The following SH3KBP1 variants were observed in gnomAD, a reference collection of about 807,000 sequenced individuals.
SH3KBP1 encodes SH3 domain-containing kinase-binding protein 1.
Under a neutral mutation model 50.1 loss-of-function variants are expected in SH3KBP1, and 8 were observed. The ratio of observed to expected loss-of-function variants is 0.16; its 90% CI spans 0.09 to 0.29. The LOEUF is 0.29. Ranked by LOEUF, SH3KBP1 falls within the 10% of genes least tolerant of loss-of-function variation. SH3KBP1 has a pLI of 1.00. For missense variants in SH3KBP1, 377 were observed against 535.2 expected (o/e 0.70, Z 2.92); for synonymous variants, 227 against 218.6 (o/e 1.04, Z -0.34).
At chrX:19,575,660 C>T (rs1350600698) in intron 12 of SH3KBP1, among the ~76,000 whole-genome samples, 1 of 111,999 alleles carries the variant, frequency 8.9e-6, no homozygotes, top group Admixed American at 9.5e-5. Context: ...AAAAAAGGTT[C>T]TGATCCTTCC....
At chrX:19,873,287 T>C (rs373868926) in intron 1 of SH3KBP1, among the ~76,000 whole-genome samples, 3 of 71,447 alleles carry the variant, frequency 4.2e-5, no homozygotes, top group Non-Finnish European at 7.8e-5. Flanking sequence ...TATATATATA[T>C]ATGTATATAT....
At chrX:19,555,047 T>C (rs980916768) in intron 13 of SH3KBP1, among the ~76,000 whole-genome samples, 1 of 112,730 alleles carries the variant, frequency 8.9e-6, no homozygotes, top group Non-Finnish European at 1.9e-5. Context: ...CCAGTTTTCA[T>C]GGTGGTTTTG....
chrX:19,679,454 A>C lies in SH3KBP1; in HGVS notation c.726+4369T>G, dbSNP rs756972965. On this transcript the variant is annotated intron_variant, in intron 6 of 17. Coordinates refer to ENST00000397821, the MANE Select transcript of SH3KBP1 (RefSeq NM_031892.3). ...AGATGGCCCAGCTGAGGCCAACTTC[A>C]TCGAGGTCAATCAGCTAGGATGAAG... 3.6e-5 allele frequency among the ~76,000 whole-genome samples: 4 copies of C among 112,302 alleles called. No homozygotes were observed. In the South Asian group the frequency reaches 1.5e-3, roughly 42 times the overall value.
At chrX:19,618,068 T>C (rs910236872) in intron 8 of SH3KBP1, among the ~76,000 whole-genome samples, 1 of 111,239 alleles carries the variant, frequency 9.0e-6, no homozygotes, top group African/African-American at 3.3e-5. Flanking sequence ...CTCTGTGTGC[T>C]CAGCCTGTTT....
At position 19,534,967 on chromosome X, in the gene SH3KBP1, A is replaced by G. The variant is rs992928750; in HGVS notation, c.*1450T>C. On this transcript the variant is annotated 3_prime_UTR_variant, in exon 18 of 18. Transcript: ENST00000397821. ...CAACTCTCATTCTTTGTGGCTGTGCAAATCTATTAATGTTTAGTAGTTTCA... is the reference window on the plus strand; with the variant it reads ...CAACTCTCATTCTTTGTGGCTGTGCGAATCTATTAATGTTTAGTAGTTTCA... 1.7e-5 allele frequency: 5 copies of G among 296,081 alleles called. No homozygotes were observed. Among genetic ancestry groups the G allele is most frequent in the Non-Finnish European group, 2.9e-5 (5 of 170,151 alleles). 24.4% of individuals were successfully genotyped at this position (296,081 alleles called of 1,213,427 possible).
In SH3KBP1 at chrX:19,534,336, C is replaced by T. The variant is rs1276879963; in HGVS notation, c.*2081G>A. The T allele has an allele frequency of 9.0e-6, 1 of 110,571 alleles. No homozygotes were observed. The highest frequency in any genetic ancestry group is 3.3e-5 in the African/African-American group (1 of 30,351). The allele number at this position is 110,571 out of a possible 1,213,427, so 9.1% of individuals were successfully genotyped here. A position where few individuals can be genotyped will look rare whatever the true frequency, so the allele number is the denominator to read the frequency against. On this transcript the variant is annotated 3_prime_UTR_variant, in exon 18 of 18. Transcript: ENST00000397821. ...TCCTTATACAAAGGAAGCCAATGGC[C>T]TCTATGAGGGGGAAGACATCAGCTC...
intron 1 of SH3KBP1, among the ~76,000 whole-genome samples, chrX:19,873,008 C>T (rs1158535013): frequency 9.2e-6 from 1 of 109,165 alleles, no homozygotes; most frequent in East Asian, 2.9e-4. Context: ...TTCTCATCAT[C>T]AGGGGCCAGT....
intron 2 of SH3KBP1, among the ~76,000 whole-genome samples, chrX:19,784,847 G>A (rs757312150): frequency 3.1e-4 from 34 of 111,131 alleles, no homozygotes; most frequent in African/African-American, 8.5e-4. Flanking sequence ...GACCTCAAGC[G>A]ATCTGCTCAC....
intron 6 of SH3KBP1, among the ~76,000 whole-genome samples, chrX:19,656,154 G>C (rs984423934): frequency 7.2e-5 from 8 of 111,344 alleles, no homozygotes; most frequent in African/African-American, 2.6e-4. Flanking sequence ...CTGGAGAGCT[G>C]CTTGGGCTCA....
chrX:19,793,639 T>C (rs1420980617), intron 2 of SH3KBP1, among the ~76,000 whole-genome samples: 1 of 111,743 alleles, frequency 8.9e-6, no homozygotes, highest in Non-Finnish European at 1.9e-5. Flanking sequence ...TGGCCAAGTT[T>C]ACTAATGAAC....
At chrX:19,621,396 C>T (rs1602695366) in intron 8 of SH3KBP1, among the ~76,000 whole-genome samples, 1 of 109,790 alleles carries the variant, frequency 9.1e-6, no homozygotes, top group Middle Eastern at 4.6e-3. Flanking sequence ...GTCGCCAACA[C>T]CATTTCTTGA....
intron 2 of SH3KBP1, among the ~76,000 whole-genome samples, chrX:19,760,023 C>CTGTCT (rs1556345973): frequency 6.0e-5 from 5 of 83,580 alleles, no homozygotes; most frequent in African/African-American, 3.0e-4. Context: ...CTCTCTCTCT[C>CTGTCT]CTCTCTCTCT....
In SH3KBP1 at chrX:19,836,147, A is replaced by G; in HGVS notation, c.140T>C (p.Leu47Ser). 1 of 1,211,012 alleles carries G rather than the reference A, an allele frequency of 8.3e-7. No individual in the cohort carries two copies. The highest frequency in any genetic ancestry group is 1.1e-6 in the Non-Finnish European group (1 of 895,242). ...WEGQINGRRG[L>S]FPDNFVREIK... ...CACTCTTACAAAGTTGTCAGGGAAC[A>G]AACCTCTCCTGCCGTTGATCTGTCC... The change falls in exon 2 of 18, where the codon TTG becomes TCG. Residue 47 changes from leucine to serine, a missense_variant. By Grantham distance (145) the Leu-to-Ser change is moderately radical (BLOSUM62 -2). Coordinates refer to ENST00000397821, the MANE Select transcript of SH3KBP1 (RefSeq NM_031892.3).
chrX:19,804,372 C>T (rs2066972187), intron 2 of SH3KBP1, among the ~76,000 whole-genome samples: 2 of 110,687 alleles, frequency 1.8e-5, no homozygotes, highest in South Asian at 7.6e-4. Context: ...GGTCAGCAAG[C>T]TAACCATTAA....
At chrX:19,597,102 G>T (rs1437169080) in intron 9 of SH3KBP1, among the ~76,000 whole-genome samples, 1 of 110,002 alleles carries the variant, frequency 9.1e-6, no homozygotes, top group Non-Finnish European at 1.9e-5. Context: ...GGCAGCTATA[G>T]ACTTATAAAA....
intron 1 of SH3KBP1, among the ~76,000 whole-genome samples, chrX:19,841,178 G>A (rs1179656164): frequency 2.7e-5 from 3 of 111,039 alleles, no homozygotes; most frequent in Admixed American, 9.6e-5. Flanking sequence ...TGGTATATCC[G>A]TGGCCCTGCT....
At chrX:19,847,269 C>T (rs16981283) in intron 1 of SH3KBP1, among the ~76,000 whole-genome samples, 9,446 of 111,179 alleles carry the variant, frequency 0.085, 954 homozygotes, top group African/African-American at 0.28. Context: ...CCTGCTACCG[C>T]GAGCCCCTAG....
At chrX:19,554,142 TATTA>T (rs1463909633) in intron 13 of SH3KBP1, among the ~76,000 whole-genome samples, 2 of 77,429 alleles carry the variant, frequency 2.6e-5, no homozygotes, top group Non-Finnish European at 4.4e-5. Context: ...TATTAAAATA[TATTA>T]TATATCATAT....
intron 5 of SH3KBP1, among the ~76,000 whole-genome samples, chrX:19,693,740 A>G (rs748837853): frequency 1.8e-5 from 2 of 112,078 alleles, no homozygotes; most frequent in Admixed American, 1.9e-4. Context: ...GAGGGGTCAG[A>G]CAGGGTGAAC....
Sources: gnomAD v4.1 joint callset for allele counts (sites outside exome capture counted in the v4.1 genomes callset) on GRCh38, gnomAD v4.1.1 for gene constraint, MANE v1.5 for transcripts, NCBI Gene and HGNC (gene_info 2026-07-23, HGNC 2026-07-21) for gene names.